The following MCF2L variants were observed in gnomAD, a reference collection of about 807,000 sequenced individuals.
MCF2L encodes the protein guanine nucleotide exchange factor DBS.
A neutral mutation model predicts 153.4 loss-of-function variants in MCF2L; 97 were observed. That is an observed-to-expected ratio of 0.63 (90% CI 0.54 to 0.75). The LOEUF (loss-of-function observed/expected upper bound fraction) is 0.75, where lower values mean the gene tolerates loss of function less well. Ranked by LOEUF, MCF2L falls within the 30% of genes least tolerant of loss-of-function variation. The pLI, the probability that MCF2L is intolerant of heterozygous loss-of-function variation, is 0.00. For missense variants in MCF2L, 1,347 were observed against 1,495.2 expected (o/e 0.90, Z 1.64); for synonymous variants, 659 against 632.2 (o/e 1.04, Z -0.64).
At position 113,035,058 on chromosome 13, in the gene MCF2L, AG is replaced by A. The variant is rs995923556; in HGVS notation, c.279-10210del. ...GCCCCCGTGAAGCCCCTCGGGAGGA[AG>A]GGTTCCTGTCCACGTTCAGCACCCC... is the stretch of plus-strand genomic sequence containing the variant. On this transcript the variant is annotated intron_variant, in intron 3 of 29. Coordinates refer to ENST00000535094, the MANE Select transcript of MCF2L (RefSeq NM_001112732.3). The surrounding 1 kb of genome is among the most constrained non-coding windows in gnomAD (Gnocchi z 4.4). Among the ~76,000 whole-genome samples, 8 of 152,314 alleles carry A rather than the reference AG, an allele frequency of 5.3e-5. No individual in the cohort carries two copies. Among genetic ancestry groups the A allele is most frequent in the Non-Finnish European group, 7.3e-5 (5 of 68,030 alleles).
rs1194098056 is a variant in MCF2L at position 113,099,319 on chromosome 13, T to C, written c.*2460T>C. 1 of 152,222 alleles carries C rather than the reference T, an allele frequency of 6.6e-6. No homozygotes were observed. The highest frequency in any genetic ancestry group is 2.4e-5 in the African/African-American group (1 of 41,454). The allele number at this position is 152,222 out of a possible 1,614,324, so 9.4% of individuals were successfully genotyped here. A position where few individuals can be genotyped will look rare whatever the true frequency, so the allele number is the denominator to read the frequency against. ...AATCTGCGTTATTTTCCAGCACACA[T>C]GGAGCACAAACAAAATATTTGCAAA... is the stretch of plus-strand genomic sequence containing the variant. On this transcript the variant is annotated 3_prime_UTR_variant, in exon 30 of 30. Transcript: ENST00000535094.
intron 4 of MCF2L, chr13:113,052,885 ACACATATACCCACACATACAT>A (rs2141635890): frequency 6.6e-6 from 1 of 152,254 alleles, no homozygotes; most frequent in South Asian, 2.1e-4. Flanking sequence ...ACATATATAT[ACACATATACCCACACATACAT>A]CACATAAACA....
chr13:112,975,989 C>T lies in MCF2L; in HGVS notation c.79+6531C>T, dbSNP rs185879920. ...TGTCCAGTGTAAACCCCAGGAGATG[C>T]GCAGTGCTGGGAAGAAACTGAACCT... On this transcript the variant is annotated intron_variant, in intron 1 of 29. Coordinates refer to ENST00000535094, the MANE Select transcript of MCF2L (RefSeq NM_001112732.3). Among the ~76,000 whole-genome samples, 306 of 152,236 alleles carry T rather than the reference C, an allele frequency of 2.0e-3. 1 individual carries two copies. The highest frequency in any genetic ancestry group is 7.6e-4 in the Non-Finnish European group (52 of 68,030).
In MCF2L at chr13:112,902,299, GA is replaced by G; in HGVS notation, c.98del (p.Asp33ValfsTer44). Reference sequence around the variant, plus strand: ...CAATGAGGCCAAAAAGGAGGAAACGGATCACCAAATTGATGTGTCTGACGTC... The same window carrying G: ...CAATGAGGCCAAAAAGGAGGAAACGGTCACCAAATTGATGTGTCTGACGTC... On this transcript the variant is annotated frameshift_variant, in exon 2 of 30. Coordinates refer to the MCF2L transcript ENST00000375608. LOFTEE classifies it high-confidence loss of function. 1 of 1,612,902 alleles carries G rather than the reference GA, an allele frequency of 6.2e-7. No individual in the cohort carries two copies. The highest frequency in any genetic ancestry group is 8.5e-7 in the Non-Finnish European group (1 of 1,179,884).
At chr13:113,095,727 C>T (rs1332892869) in intron 27 of MCF2L, 5 of 994,832 alleles carry the variant, frequency 5.0e-6, no homozygotes, top group Non-Finnish European at 6.0e-6. Context: ...AGCACCCCTC[C>T]GCAGCCCACC....
In MCF2L at chr13:113,079,059, A is replaced by G. The variant is rs115077839; in HGVS notation, c.1808+320A>G. On this transcript the variant is annotated intron_variant, in intron 15 of 29. Coordinates refer to ENST00000535094, the MANE Select transcript of MCF2L (RefSeq NM_001112732.3). The stretch of plus-strand genomic sequence containing the variant: ...GCCTCCACCCGCCACTGCCATTCAC[A>G]GGAGACACCACTCAAAGGCCCCAAC... Among the ~76,000 whole-genome samples, 198 of 150,122 alleles carry G rather than the reference A, an allele frequency of 1.3e-3. 1 individual carries two copies. Among genetic ancestry groups the G allele is most frequent in the African/African-American group, 4.8e-3 (194 of 40,740 alleles).
intron 2 of MCF2L, among the ~76,000 whole-genome samples, chr13:112,928,254 C>T (rs990256210): frequency 7.2e-5 from 11 of 152,168 alleles, no homozygotes; most frequent in African/African-American, 2.4e-4. Flanking sequence ...GTCATTGCAC[C>T]GTTTCTGATG....
intron 15 of MCF2L, among the ~76,000 whole-genome samples, 191 bp downstream of exon 15, chr13:113,078,930 G>A (rs1333178154): frequency 2.6e-5 from 4 of 152,208 alleles, no homozygotes; most frequent in Non-Finnish European, 4.4e-5. Flanking sequence ...GGTCCCCACC[G>A]CGTGAAGCAC....
At chr13:112,920,748 C>T (rs190501159) in intron 2 of MCF2L, among the ~76,000 whole-genome samples, 58 of 151,696 alleles carry the variant, frequency 3.8e-4, no homozygotes, top group African/African-American at 1.3e-3. Flanking sequence ...AGGACCCGAC[C>T]GAGCTCTTCC....
chr13:113,089,829 A>C (rs2035026671), intron 26 of MCF2L, 101 bp downstream of exon 26: 2 of 1,608,532 alleles, frequency 1.2e-6, no homozygotes. Flanking sequence ...TGCAGTGTGA[A>C]GAAGCTTTGC....
At chr13:112,938,545 G>A (rs931243459) in intron 2 of MCF2L, among the ~76,000 whole-genome samples, 13 of 152,188 alleles carry the variant, frequency 8.5e-5, no homozygotes, top group African/African-American at 2.9e-4. Context: ...ATATGACTGC[G>A]GCAGCATTGA....
chr13:112,924,876 GAA>G (rs1212429576), intron 2 of MCF2L, among the ~76,000 whole-genome samples: 1 of 152,144 alleles, frequency 6.6e-6, no homozygotes. Context: ...CCTGGCATAA[GAA>G]CAAGGACAGG....
intron 1 of MCF2L, among the ~76,000 whole-genome samples, chr13:112,995,672 T>G (rs7982909): frequency 0.55 from 83,462 of 151,914 alleles, 23,372 homozygotes; most frequent in Non-Finnish European, 0.61. Context: ...TGGCTCTGGG[T>G]GTGGAGGTGG....
chr13:113,083,988 C>A lies in MCF2L; in HGVS notation c.1992-10C>A. On this transcript the variant is annotated splice_polypyrimidine_tract_variant and intron_variant, in intron 17 of 29. Transcript: ENST00000535094. ...GTCTTTCATACTACTTAAAAACCTT[C>A]TTTGTCTAGGATATTCCTCAGGGAG... The A allele has an allele frequency of 6.2e-7, 1 of 1,611,238 alleles. No individual in the cohort carries two copies. The highest frequency in any genetic ancestry group is 1.3e-5 in the African/African-American group (1 of 74,998).
intron 2 of MCF2L, chr13:112,902,381 TG>T (rs1232719414): frequency 6.2e-7 from 1 of 1,610,372 alleles, no homozygotes; most frequent in Non-Finnish European, 8.5e-7. Context: ...GGTAGGCGCC[TG>T]GTGCTGCGGC....
chr13:113,021,693 C>G (rs575635665), intron 2 of MCF2L, among the ~76,000 whole-genome samples: 1 of 152,338 alleles, frequency 6.6e-6, no homozygotes, highest in African/African-American at 2.4e-5. Context: ...GAGGGTTTCT[C>G]CAGAGAGGGG....
chr13:112,907,439 T>C lies in MCF2L; in HGVS notation c.169+5068T>C, dbSNP rs1189386112. Among the ~76,000 whole-genome samples, 2 of 152,056 alleles carry C rather than the reference T, an allele frequency of 1.3e-5. No individual in the cohort carries two copies. Among genetic ancestry groups the C allele is most frequent in the Non-Finnish European group, 2.9e-5 (2 of 68,006 alleles). On this transcript the variant is annotated intron_variant, in intron 2 of 29. Transcript: ENST00000375608. The surrounding 1 kb of genome is among the most constrained non-coding windows in gnomAD (Gnocchi z 5.1). ...TCGGTGTTTGTGGCATGGATCGTAG[T>C]CATGGCTTGGTGGAGAATCCTCGGT...
At chr13:113,022,145 A>C (rs2141261348) in intron 2 of MCF2L, among the ~76,000 whole-genome samples, 2 of 152,204 alleles carry the variant, frequency 1.3e-5, no homozygotes, top group South Asian at 4.2e-4. Context: ...AGCAGCTCCC[A>C]GATGCCACCT....
intron 2 of MCF2L, among the ~76,000 whole-genome samples, chr13:112,962,331 C>T (rs952930225): frequency 6.6e-6 from 1 of 152,104 alleles, no homozygotes; most frequent in Non-Finnish European, 1.5e-5. Flanking sequence ...ACATACACAC[C>T]TGCACACACA....
Sources: gnomAD v4.1 joint callset for allele counts (sites outside exome capture counted in the v4.1 genomes callset) on GRCh38, gnomAD v4.1.1 for gene constraint, Gnocchi (gnomAD v3.1) non-coding constraint, MANE v1.5 for transcripts, NCBI Gene and HGNC (gene_info 2026-07-23, HGNC 2026-07-21) for gene names.